The following PTPRD variants were observed in gnomAD, a reference collection of about 807,000 sequenced individuals.
The protein encoded by PTPRD is receptor-type tyrosine-protein phosphatase delta.
Under a neutral mutation model 214.5 loss-of-function variants are expected in PTPRD, and 34 were observed. The observed-to-expected ratio is 0.16, with a 90% CI of 0.12 to 0.21. The LOEUF is 0.21. PTPRD is among the 10% of genes least tolerant of loss of function. The probability of loss-of-function intolerance (pLI) is 1.00; values close to 1 mark genes in which losing one functional copy is unlikely to be tolerated. For missense variants in PTPRD, 2,545 were observed against 2,398.7 expected (o/e 1.06, Z -1.27); for synonymous variants, 1,128 against 845.7 (o/e 1.33, Z -5.79).
chr9:8,727,326 G>A (rs1340438527), intron 12 of PTPRD, among the ~76,000 whole-genome samples: 1 of 152,200 alleles, frequency 6.6e-6, no homozygotes, highest in African/African-American at 2.4e-5. Context: ...GCTCTGCTGG[G>A]AGCAATTAAT....
chr9:10,587,422 T>A (rs2132689314), intron 2 of PTPRD, among the ~76,000 whole-genome samples: 1 of 152,194 alleles, frequency 6.6e-6, no homozygotes, highest in African/African-American at 2.4e-5. Flanking sequence ...CATTTTGAGT[T>A]TAATTCAAAC....
intron 5 of PTPRD, among the ~76,000 whole-genome samples, chr9:9,859,950 A>T (rs2062358878): frequency 6.6e-6 from 1 of 152,232 alleles, no homozygotes; most frequent in Admixed American, 6.5e-5. Context: ...AATATTTCAC[A>T]TTTTAAAAAG....
chr9:8,388,040 T>C (rs1019018314), intron 37 of PTPRD, among the ~76,000 whole-genome samples: 11 of 152,270 alleles, frequency 7.2e-5, no homozygotes, highest in African/African-American at 2.2e-4. Flanking sequence ...TCAACATCTC[T>C]ATACAATTCA....
intron 7 of PTPRD, among the ~76,000 whole-genome samples, chr9:9,587,568 A>G (rs982981721): frequency 2.0e-5 from 3 of 152,038 alleles, no homozygotes; most frequent in African/African-American, 2.4e-5. Context: ...CCTTCTAAGT[A>G]TGAGATACTA....
At chr9:8,444,158 G>C (rs892972711) in intron 34 of PTPRD, among the ~76,000 whole-genome samples, 1 of 152,094 alleles carries the variant, frequency 6.6e-6, no homozygotes, top group Non-Finnish European at 1.5e-5. Context: ...GCTCAGTAAT[G>C]CTCATTACAG....
intron 9 of PTPRD, among the ~76,000 whole-genome samples, chr9:9,219,271 A>T (rs538486491): frequency 6.6e-6 from 1 of 152,280 alleles, no homozygotes; most frequent in Admixed American, 6.5e-5. Flanking sequence ...CTAGATGTAC[A>T]GCTTGACATA....
chr9:8,418,143 T>G (rs190700302), intron 35 of PTPRD, among the ~76,000 whole-genome samples: 1 of 152,308 alleles, frequency 6.6e-6, no homozygotes, highest in African/African-American at 2.4e-5. Flanking sequence ...TCTGTTTTCC[T>G]CTGTCCATGT....
At chr9:10,065,510 T>C (rs2097861369) in intron 3 of PTPRD, among the ~76,000 whole-genome samples, 1 of 151,940 alleles carries the variant, frequency 6.6e-6, no homozygotes, top group African/African-American at 2.4e-5. Context: ...GACCATTTGA[T>C]TTTTGTTATA....
chr9:9,641,962 A>G (rs1271785818), intron 7 of PTPRD, among the ~76,000 whole-genome samples: 1 of 152,002 alleles, frequency 6.6e-6, no homozygotes, highest in Non-Finnish European at 1.5e-5. Flanking sequence ...AGACACATGC[A>G]CACGTATGTT....
At chr9:9,969,405 A>G (rs1241342216) in intron 4 of PTPRD, among the ~76,000 whole-genome samples, 1 of 152,098 alleles carries the variant, frequency 6.6e-6, no homozygotes, top group Non-Finnish European at 1.5e-5. Flanking sequence ...GGTTTTAATC[A>G]AGGAGATAGA....
rs529728777 is a variant in PTPRD, at chr9:8,635,734, G to T, written c.210+965C>A. On this transcript the variant is annotated intron_variant, in intron 13 of 45. Coordinates refer to ENST00000381196, the MANE Select transcript of PTPRD (RefSeq NM_002839.4). ...GATTAGAAACTCAGGTAAAAGGGAG[G>T]TGAGTTTCACAATTTCAGGCAGTTT... Among the ~76,000 whole-genome samples, 201 of 152,172 alleles carry T rather than the reference G, an allele frequency of 1.3e-3. 2 individuals are homozygous for T. Among genetic ancestry groups the T allele is most frequent in the African/African-American group, 4.6e-3 (192 of 41,526 alleles).
chr9:10,199,973 A>G (rs1325513911), intron 3 of PTPRD, among the ~76,000 whole-genome samples: 1 of 152,070 alleles, frequency 6.6e-6, no homozygotes, highest in Non-Finnish European at 1.5e-5. Flanking sequence ...TATTTCAAAG[A>G]TTATTTTAAG....
chr9:9,556,507 C>T (rs2081541962), intron 8 of PTPRD, among the ~76,000 whole-genome samples: 1 of 152,160 alleles, frequency 6.6e-6, no homozygotes, highest in Non-Finnish European at 1.5e-5. Context: ...TTGTAAATTC[C>T]TAGAAGTCTA....
intron 5 of PTPRD, among the ~76,000 whole-genome samples, chr9:9,882,627 G>C (rs1465613643): frequency 6.6e-6 from 1 of 152,170 alleles, no homozygotes; most frequent in Non-Finnish European, 1.5e-5. Flanking sequence ...TAAGCCCACT[G>C]TAAGGTGGAT....
At chr9:8,645,122 G>T (rs2096659613) in intron 12 of PTPRD, among the ~76,000 whole-genome samples, 1 of 152,174 alleles carries the variant, frequency 6.6e-6, no homozygotes, top group African/African-American at 2.4e-5. Context: ...TATACTGATT[G>T]TCTTCTCAAG....
chr9:9,831,104 C>T (rs1041362489), intron 5 of PTPRD, among the ~76,000 whole-genome samples: 2 of 151,874 alleles, frequency 1.3e-5, no homozygotes, highest in African/African-American at 4.8e-5. Context: ...AGAAGCAAAG[C>T]TTCAGGGTGT....
intron 12 of PTPRD, among the ~76,000 whole-genome samples, chr9:8,723,952 A>G (rs1430691740): frequency 6.6e-6 from 1 of 152,232 alleles, no homozygotes; most frequent in East Asian, 1.9e-4. Context: ...AATAACTGCC[A>G]CAGTACTATG....
chr9:8,953,549 G>A (rs1468401646), intron 11 of PTPRD, among the ~76,000 whole-genome samples: 1 of 152,008 alleles, frequency 6.6e-6, no homozygotes, highest in African/African-American at 2.4e-5. Context: ...TATCAAGGGA[G>A]TAAACAGACA....
intron 14 of PTPRD, among the ~76,000 whole-genome samples, chr9:8,606,434 A>G (rs2095218069): frequency 6.6e-6 from 1 of 152,324 alleles, no homozygotes; most frequent in Non-Finnish European, 1.5e-5. Context: ...AAATGAAGAG[A>G]CATGAAGCAT....
Sources: gnomAD v4.1 joint callset for allele counts (sites outside exome capture counted in the v4.1 genomes callset) on GRCh38, gnomAD v4.1.1 for gene constraint, MANE v1.5 for transcripts, NCBI Gene and HGNC (gene_info 2026-07-23, HGNC 2026-07-21) for gene names.